The following PIGR variants were observed in gnomAD, a reference collection of about 807,000 sequenced individuals.
The protein encoded by PIGR is polymeric immunoglobulin receptor.
Under a neutral mutation model 69.5 loss-of-function variants are expected in PIGR, and 22 were observed. The ratio of observed to expected loss-of-function variants is 0.32; its 90% CI spans 0.23 to 0.45. The LOEUF (loss-of-function observed/expected upper bound fraction) is 0.45, where lower values mean the gene tolerates loss of function less well. Ranked by LOEUF, PIGR falls within the 20% of genes least tolerant of loss-of-function variation. The pLI is 1.00. For synonymous variants in PIGR, 413 were observed against 407.6 expected (o/e 1.01, Z -0.16); for missense variants, 885 against 974.0 (o/e 0.91, Z 1.22).
intron 1 of PIGR, among the ~76,000 whole-genome samples, chr1:206,943,887 A>T (rs1680047986): frequency 6.6e-6 from 1 of 152,162 alleles, no homozygotes; most frequent in African/African-American, 2.4e-5. Flanking sequence ...AATGTGTTCC[A>T]TTTTTACAGC....
chr1:206,944,235 G>A (rs1290888500), intron 1 of PIGR, among the ~76,000 whole-genome samples: 1 of 152,162 alleles, frequency 6.6e-6, no homozygotes, highest in African/African-American at 2.4e-5. Flanking sequence ...AGCACCTTGG[G>A]AGGCTGAGGT....
intron 7 of PIGR, 64 bp downstream of exon 7, chr1:206,932,922 G>A (rs1041877861): frequency 6.6e-7 from 1 of 1,516,774 alleles, no homozygotes; most frequent in Non-Finnish European, 9.0e-7. Context: ...GGACCTGGTG[G>A]CCCAGCCTCA....
chr1:206,935,430 A>C lies in PIGR; in HGVS notation c.1378+56T>G. On this transcript the variant is annotated intron_variant, in intron 5 of 10. Coordinates refer to ENST00000356495, the MANE Select transcript of PIGR (RefSeq NM_002644.4). This position sits in a 1 kb window ranked among gnomAD's most constrained non-coding sequence, Gnocchi z 4.4. ...GAAAAAGGAGGAAGAGTGGTTGGGG[A>C]TGCTGCTGCTGGCTGGAGAGGTTTT... is the stretch of plus-strand genomic sequence containing the variant. 1.4e-6 allele frequency: 2 copies of C among 1,418,712 alleles called. No homozygotes were observed. Among genetic ancestry groups the C allele is most frequent in the East Asian group, 4.6e-5 (2 of 43,682 alleles). 87.9% of individuals were successfully genotyped at this position (1,418,712 alleles called of 1,614,324 possible).
At chr1:206,941,759 C>G (rs1679991145) in intron 1 of PIGR, among the ~76,000 whole-genome samples, 1 of 152,228 alleles carries the variant, frequency 6.6e-6, no homozygotes, top group Non-Finnish European at 1.5e-5. Context: ...AGGGGTCTGC[C>G]TGACAGCAGC....
chr1:206,941,273 G>A (rs1252996627), intron 1 of PIGR, among the ~76,000 whole-genome samples: 1 of 151,934 alleles, frequency 6.6e-6, no homozygotes, highest in Non-Finnish European at 1.5e-5. Flanking sequence ...AATGTGTGGG[G>A]GTACACAGAA....
chr1:206,931,696 C>T lies in PIGR; in HGVS notation c.2115G>A (p.Gln705=). ...NDNMGASSIT[Q]ETSLGGKEEF... is the part of the protein sequence containing the mutation. ...CTTCTTTTCCTCCGAGGGATGTCTCCTGAGTGATCGAAGAGGCTCCCATGT... is the reference window on the plus strand; with the variant it reads ...CTTCTTTTCCTCCGAGGGATGTCTCTTGAGTGATCGAAGAGGCTCCCATGT... Residue 705 remains glutamine (Q), a synonymous_variant, in exon 9 of 11, where the codon CAG becomes CAA. Coordinates refer to ENST00000356495, the MANE Select transcript of PIGR (RefSeq NM_002644.4). 6.2e-7 allele frequency: 1 copy of T among 1,614,156 alleles called. No individual in the cohort carries two copies. Among genetic ancestry groups the T allele is most frequent in the Non-Finnish European group, 8.5e-7 (1 of 1,180,042 alleles).
At position 206,934,424 on chromosome 1, in the gene PIGR, T is replaced by G. The variant is rs779038896; in HGVS notation, c.1701A>C (p.Ala567=). 7 of 1,612,390 alleles carry G rather than the reference T, an allele frequency of 4.3e-6. No homozygotes were observed. The highest frequency in any genetic ancestry group is 5.1e-6 in the Non-Finnish European group (6 of 1,178,734). ...AVYVAVEERK[A]AGSRDVSLAK... ...GCCCTGTCCTTGGAGACTCACCCGC[T>G]GCCTTCCTCTCTTCAACTGCCACAT... is the stretch of plus-strand genomic sequence containing the variant. The change falls in exon 6 of 11, where the codon GCA becomes GCC. Residue 567 remains alanine (A), a synonymous_variant. Coordinates refer to ENST00000356495, the MANE Select transcript of PIGR (RefSeq NM_002644.4).
rs368808708 is a variant in PIGR at position 206,939,205 on chromosome 1, C to T, written c.302G>A (p.Ser101Asn). The T allele has an allele frequency of 6.2e-7, 1 of 1,614,208 alleles. No individual in the cohort carries two copies. Among genetic ancestry groups the T allele is most frequent in the Non-Finnish European group, 8.5e-7 (1 of 1,180,042 alleles). ...GTFVVNIAQL[S>N]QDDSGRYKCG... The stretch of plus-strand genomic sequence containing the variant: ...CTTGTAGCGCCCGGAGTCATCCTGG[C>T]TCAGCTGGGCAATGTTCACCACAAA... Residue 101 changes from serine to asparagine, a missense_variant, in exon 3 of 11, where the codon AGC (serine) becomes AAC (asparagine). Transcript: ENST00000356495.
At chr1:206,945,212 C>T (rs1219437453) in intron 1 of PIGR, among the ~76,000 whole-genome samples, 2 of 152,196 alleles carry the variant, frequency 1.3e-5, no homozygotes, top group Admixed American at 6.5e-5. Context: ...CAGCTGCCTT[C>T]TACCTAAACC....
intron 6 of PIGR, among the ~76,000 whole-genome samples, chr1:206,934,127 G>T (rs1679816994): frequency 6.6e-6 from 1 of 152,202 alleles, no homozygotes; most frequent in South Asian, 2.1e-4. Context: ...CTCCCAAAGT[G>T]CTGGGATTAC....
chr1:206,935,649 A>G lies in PIGR; in HGVS notation c.1215T>C (p.Val405=). Residue 405 remains valine, a synonymous_variant, in exon 5 of 11, where the codon GTT becomes GTC. Transcript: ENST00000356495. The surrounding 1 kb of genome is among the most constrained non-coding windows in gnomAD (Gnocchi z 4.4). The stretch of plus-strand genomic sequence containing the variant: ...AGAGGCGGCCCTCGTACTGGGCCTT[A>G]ACCCACCCCTCGCTGTCCACCAGCA... ...CPLLVDSEGW[V]KAQYEGRLSL... The G allele has an allele frequency of 1.2e-6, 2 of 1,613,864 alleles. No homozygotes were observed. Among genetic ancestry groups the G allele is most frequent in the Non-Finnish European group, 1.7e-6 (2 of 1,179,938 alleles).
rs376506424 is a variant in PIGR, at chr1:206,937,225, A to G, written c.915T>C (p.Asp305=). 3 of 1,614,170 alleles carry G rather than the reference A, an allele frequency of 1.9e-6. No homozygotes were observed. The highest frequency in any genetic ancestry group is 2.7e-5 in the African/African-American group (2 of 75,038). Residue 305 remains aspartate, a synonymous_variant, in exon 4 of 11, where the codon GAT becomes GAC. Coordinates refer to ENST00000356495, the MANE Select transcript of PIGR (RefSeq NM_002644.4). ...CTGTGATCACCACACTGAATGAGCC[A>G]TCCTTGTCCTGGGGGTTGAGCAGGA... is the stretch of plus-strand genomic sequence containing the variant. The part of the protein sequence containing the change: ...GRILLNPQDK[D]GSFSVVITGL...
intron 3 of PIGR, among the ~76,000 whole-genome samples, 187 bp downstream of exon 3, chr1:206,938,932 C>T (rs1679926128): frequency 6.6e-6 from 1 of 152,162 alleles, no homozygotes; most frequent in African/African-American, 2.4e-5. Flanking sequence ...GTTCACTCAT[C>T]ACCCCCAAGT....
At position 206,933,007 on chromosome 1, in the gene PIGR, C is replaced by T. The variant is rs1316910826; in HGVS notation, c.1865G>A (p.Arg622Lys). Reference protein sequence around the residue: ...ADTRDQADGSRASVDSGSSEE... With the variant: ...ADTRDQADGSKASVDSGSSEE... ...TTACCTGCCGGAATCCACAGATGCTCTGCTCCCATCGGCTTGATCTCTTGT... is the reference window on the plus strand; with the variant it reads ...TTACCTGCCGGAATCCACAGATGCTTTGCTCCCATCGGCTTGATCTCTTGT... Residue 622 changes from arginine (R) to lysine (K), a missense_variant, in exon 7 of 11, where the codon AGA (arginine) becomes AAA (lysine). Physicochemically the swap from Arg to Lys is conservative, Grantham distance 26. Transcript: ENST00000356495. 1 of 1,614,072 alleles carries T rather than the reference C, an allele frequency of 6.2e-7. No individual in the cohort carries two copies. Among genetic ancestry groups the T allele is most frequent in the Non-Finnish European group, 8.5e-7 (1 of 1,180,056 alleles).
At chr1:206,937,069 C>G (rs920888317) in intron 4 of PIGR, 26 bp downstream of exon 4, 5 of 1,520,750 alleles carry the variant, frequency 3.3e-6, no homozygotes, top group Non-Finnish European at 4.4e-6. Flanking sequence ...GCCCCACCTA[C>G]TCCCCCTCCC....
At position 206,929,706 on chromosome 1, in the gene PIGR, T is replaced by C. The variant is rs1170370279; in HGVS notation, c.*612A>G. The C allele has an allele frequency of 6.6e-6, 1 of 152,046 alleles. No individual in the cohort carries two copies. The highest frequency in any genetic ancestry group is 2.4e-5 in the African/African-American group (1 of 41,384). The allele number at this position is 152,046 out of a possible 1,614,324, so 9.4% of individuals were successfully genotyped here. Reference sequence around the variant, plus strand: ...CGAGACATTTTATGACCTCTCCCAATAGGGGCAGAGGTGAGCACCCCTGGT... The same window carrying C: ...CGAGACATTTTATGACCTCTCCCAACAGGGGCAGAGGTGAGCACCCCTGGT... On this transcript the variant is annotated 3_prime_UTR_variant, in exon 11 of 11. Coordinates refer to ENST00000356495, the MANE Select transcript of PIGR (RefSeq NM_002644.4).
In PIGR at chr1:206,931,731, C is replaced by A. The variant is rs746443715; in HGVS notation, c.2080G>T (p.Ala694Ser). The change falls in exon 9 of 11, where the codon GCC (alanine) becomes TCC (serine). Residue 694 changes from alanine (A) to serine (S), a missense_variant. Ala to Ser is a moderately conservative substitution (Grantham distance 99). Transcript: ENST00000356495. ...SDFENSREFGANDNMGASSIT... is the reference protein window; with the variant it reads ...SDFENSREFGSNDNMGASSIT... ...GAAGAGGCTCCCATGTTGTCATTGG[C>A]TCCAAATTCCCTGGAGTTCTCGAAG... 6.2e-7 allele frequency: 1 copy of A among 1,614,122 alleles called. No homozygotes were observed. Among genetic ancestry groups the A allele is most frequent in the East Asian group, 2.2e-5 (1 of 44,882 alleles).
rs971094698 is a variant in PIGR, at chr1:206,935,900, G to T, written c.1046-82C>A. The T allele has an allele frequency of 1.8e-5, 19 of 1,034,074 alleles. No individual in the cohort carries two copies. The highest frequency in any genetic ancestry group is 7.8e-5 in the Admixed American group (3 of 38,344). The allele number at this position is 1,034,074 out of a possible 1,614,324, so 64.1% of individuals were successfully genotyped here. On this transcript the variant is annotated intron_variant, in intron 4 of 10. Coordinates refer to ENST00000356495, the MANE Select transcript of PIGR (RefSeq NM_002644.4). This position sits in a 1 kb window ranked among gnomAD's most constrained non-coding sequence, Gnocchi z 4.4. ...TGGCCTGAGAAGCCTTCTTCCCGGG[G>T]TCTCAGCCAGGATGGGGAGTGAAGT...
At chr1:206,940,439 G>A (rs370563609) in intron 2 of PIGR, 50 bp downstream of exon 2, 15 of 1,530,406 alleles carry the variant, frequency 9.8e-6, no homozygotes, top group Middle Eastern at 1.7e-4. Context: ...CCCTGGAGTC[G>A]GGCAGGCTGA....
Sources: gnomAD v4.1 joint callset for allele counts (sites outside exome capture counted in the v4.1 genomes callset) on GRCh38, gnomAD v4.1.1 for gene constraint, Gnocchi (gnomAD v3.1) non-coding constraint, MANE v1.5 for transcripts, NCBI Gene and HGNC (gene_info 2026-07-23, HGNC 2026-07-21) for gene names.